The following CUBN variants were observed in gnomAD, a reference collection of about 807,000 sequenced individuals.
The protein encoded by CUBN is 460 kDa receptor.
In CUBN, 282 loss-of-function variants were observed where a neutral mutation model predicts 405.3. That is an observed-to-expected ratio of 0.70 (90% CI 0.63 to 0.77). CUBN has a LOEUF of 0.77. Among genes scored for constraint, CUBN ranks in the 30% least tolerant of loss-of-function variants. CUBN has a pLI of 0.00. For missense variants in CUBN, 4,514 were observed against 4,475.2 expected (o/e 1.01, Z -0.25); for synonymous variants, 1,684 against 1,617.0 (o/e 1.04, Z -0.99).
At chr10:16,975,261 A>C (rs1170811311) in intron 31 of CUBN, among the ~76,000 whole-genome samples, 1 of 152,206 alleles carries the variant, frequency 6.6e-6, no homozygotes, top group East Asian at 1.9e-4. Context: ...CTAAGACCCG[A>C]TCACATTTGA....
At chr10:16,981,117 C>T (rs11595451) in intron 31 of CUBN, among the ~76,000 whole-genome samples, 16,813 of 151,016 alleles carry the variant, frequency 0.11, 1,183 homozygotes, top group Non-Finnish European at 0.16. Flanking sequence ...CCAAATGTTG[C>T]CTTTTGGCCT....
Position 17,109,625 on chromosome 10 carries a change from G to A in CUBN, c.1111+15C>T. On this transcript the variant is annotated intron_variant, in intron 10 of 66. Transcript: ENST00000377833. ...ATTACAATACCCAAAGCCAAAGAGA[G>A]AGATGAGTCATTACCTAGAGTTGAG... 6.2e-7 allele frequency: 1 copy of A among 1,600,894 alleles called. No individual in the cohort carries two copies. Among genetic ancestry groups the A allele is most frequent in the Non-Finnish European group, 8.6e-7 (1 of 1,167,882 alleles).
intron 43 of CUBN, among the ~76,000 whole-genome samples, chr10:16,924,098 T>C (rs80245973): frequency 8.8e-6 from 1 of 113,110 alleles, no homozygotes; most frequent in Non-Finnish European, 1.9e-5. Context: ...GAGTCTATTA[T>C]AAACAAAAAC....
chr10:17,129,133 C>A lies in CUBN; in HGVS notation c.240G>T (p.Glu80Asp). 1 of 1,612,112 alleles carries A rather than the reference C, an allele frequency of 6.2e-7. No homozygotes were observed. The highest frequency in any genetic ancestry group is 1.7e-4 in the Middle Eastern group (1 of 6,054). The change falls in exon 2 of 67, where the codon GAG becomes GAT. Residue 80 changes from glutamate to aspartate, a missense_variant. Around this residue, in one of 5 missense-constraint regions of CUBN, gnomAD observed 1,448 missense variants for 1,388.0 expected, o/e 1.04. Coordinates refer to ENST00000377833, the MANE Select transcript of CUBN (RefSeq NM_001081.4). ...TCCAGTGTATTACCTGATGTAAACA[C>A]TCACTGAGATCTTCATCATTTAATT... is the stretch of plus-strand genomic sequence containing the variant. Reference protein sequence around the residue: ...KIKLNDEDLSECLHQIQKNKE... With the variant: ...KIKLNDEDLSDCLHQIQKNKE...
At chr10:17,089,944 T>C (rs1488630981) in intron 14 of CUBN, among the ~76,000 whole-genome samples, 1 of 151,918 alleles carries the variant, frequency 6.6e-6, no homozygotes, top group Non-Finnish European at 1.5e-5. Context: ...CAGCCATCGC[T>C]ACAAAAAATA....
intron 24 of CUBN, among the ~76,000 whole-genome samples, chr10:17,045,417 C>T (rs1017333466): frequency 3.0e-4 from 45 of 147,658 alleles, no homozygotes; most frequent in African/African-American, 8.8e-4. Flanking sequence ...TGGAATGCAA[C>T]GGCATGATCT....
intron 22 of CUBN, among the ~76,000 whole-genome samples, chr10:17,052,981 T>C (rs940368694): frequency 4.6e-5 from 7 of 151,726 alleles, no homozygotes; most frequent in African/African-American, 1.5e-4. Context: ...CAGGTATGAA[T>C]TGGAAGGTAT....
At chr10:17,103,043 T>C (rs1490905729) in intron 13 of CUBN, 82 bp downstream of exon 13, 4 of 827,514 alleles carry the variant, frequency 4.8e-6, no homozygotes, top group Non-Finnish European at 8.2e-6. Context: ...ATTGCATGTA[T>C]TTTATGTAAT....
At chr10:17,094,826 C>T (rs1165966002) in intron 14 of CUBN, among the ~76,000 whole-genome samples, 1 of 151,926 alleles carries the variant, frequency 6.6e-6, no homozygotes, top group Non-Finnish European at 1.5e-5. Context: ...CAGTTCAATG[C>T]CATCTCTAAC....
intron 51 of CUBN, among the ~76,000 whole-genome samples, chr10:16,903,258 G>C (rs1278874935): frequency 6.6e-6 from 1 of 152,070 alleles, no homozygotes; most frequent in Non-Finnish European, 1.5e-5. Flanking sequence ...TTTAAAAAAA[G>C]CTTTTTCACA....
intron 27 of CUBN, among the ~76,000 whole-genome samples, chr10:17,027,596 C>A (rs1223775065): frequency 6.6e-6 from 1 of 152,082 alleles, no homozygotes; most frequent in East Asian, 1.9e-4. Context: ...AAAGCAATAT[C>A]TTTGGGGACC....
At chr10:16,834,375 C>T (rs7897705) in intron 64 of CUBN, among the ~76,000 whole-genome samples, 15,666 of 152,086 alleles carry the variant, frequency 0.1, 938 homozygotes, top group East Asian at 0.15. Context: ...GGGGGCTTCT[C>T]TCTCAGTGTG....
intron 65 of CUBN, among the ~76,000 whole-genome samples, chr10:16,829,656 A>G (rs2131301239): frequency 6.6e-6 from 1 of 152,266 alleles, no homozygotes; most frequent in East Asian, 1.9e-4. Flanking sequence ...CATGATTTAG[A>G]CTATATATCT....
At chr10:17,115,825 T>C (rs1836883069) in intron 6 of CUBN, among the ~76,000 whole-genome samples, 1 of 152,360 alleles carries the variant, frequency 6.6e-6, no homozygotes, top group Admixed American at 6.5e-5. Flanking sequence ...ACTTATTATC[T>C]GGTAAGCCTA....
At chr10:17,047,368 G>T in intron 23 of CUBN, 46 bp downstream of exon 23, 1 of 1,412,458 alleles carries the variant, frequency 7.1e-7, no homozygotes, top group Non-Finnish European at 9.9e-7. Flanking sequence ...TTATTAATGA[G>T]AATAAATAAT....
intron 59 of CUBN, among the ~76,000 whole-genome samples, chr10:16,856,057 G>A (rs11254251): frequency 0.15 from 22,779 of 151,998 alleles, 3,307 homozygotes; most frequent in African/African-American, 0.38. Flanking sequence ...TCAATGGTGG[G>A]GGAATATAAA....
chr10:16,927,016 T>C (rs1353722063), intron 41 of CUBN, among the ~76,000 whole-genome samples: 2 of 152,008 alleles, frequency 1.3e-5, no homozygotes, highest in African/African-American at 2.4e-5. Context: ...AAGTCCATTA[T>C]ACCACTCACA....
At chr10:16,945,804 C>CACCT in intron 36 of CUBN, among the ~76,000 whole-genome samples, 1 of 150,540 alleles carries the variant, frequency 6.6e-6, no homozygotes, top group Non-Finnish European at 1.5e-5. Flanking sequence ...AAACCAAAAC[C>CACCT]TCCTTCCTGT....
At chr10:16,949,951 A>G (rs762604778) in intron 34 of CUBN, 50 bp downstream of exon 34, 5 of 1,373,670 alleles carry the variant, frequency 3.6e-6, no homozygotes, top group Non-Finnish European at 5.2e-6. Context: ...CGGATCTATA[A>G]ATAAAGCACA....
Sources: allele counts gnomAD v4.1 joint callset (sites outside exome capture counted in the v4.1 genomes callset), GRCh38; gene constraint gnomAD v4.1.1; regional missense constraint gnomAD v4.1.1; transcripts MANE v1.5; gene names NCBI Gene and HGNC (gene_info 2026-07-23, HGNC 2026-07-21).